Variants in KDM6A observed in about 807,000 individuals in gnomAD.
KDM6A encodes lysine demethylase 6A, also known as lysine-specific demethylase 6A.
Under a neutral mutation model 117.6 loss-of-function variants are expected in KDM6A, and 11 were observed. That is an observed-to-expected ratio of 0.09 (90% CI 0.06 to 0.15). KDM6A has a LOEUF of 0.15. KDM6A is among the 10% of genes least tolerant of loss of function. The pLI is 1.00. For missense variants in KDM6A, 799 were observed against 1,077.3 expected, an observed-to-expected ratio of 0.74 and a Z score of 3.62; for synonymous variants, 384 against 396.1, an observed-to-expected ratio of 0.97 and a Z score of 0.36.
chrX:45,040,605 C>T (rs1398943533), intron 8 of KDM6A, among the ~76,000 whole-genome samples: 15 of 81,536 alleles, frequency 1.8e-4, no homozygotes, highest in African/African-American at 7.6e-4. Context: ...CCGGACGGGG[C>T]GGCTGGCCAG....
intron 5 of KDM6A, among the ~76,000 whole-genome samples, chrX:45,019,048 C>T (rs957123207): frequency 5.4e-5 from 6 of 111,566 alleles, no homozygotes; most frequent in African/African-American, 1.6e-4. Flanking sequence ...CCCAGTCACA[C>T]CATATGTTTT....
chrX:44,940,039 C>T (rs527970233), intron 2 of KDM6A, among the ~76,000 whole-genome samples: 1 of 111,747 alleles, frequency 8.9e-6, no homozygotes, highest in South Asian at 3.7e-4. Flanking sequence ...CTTGTACTAT[C>T]AGTTATTACT....
At chrX:44,875,180 A>G (rs993068077) in intron 2 of KDM6A, among the ~76,000 whole-genome samples, 1 of 112,398 alleles carries the variant, frequency 8.9e-6, no homozygotes, top group African/African-American at 3.2e-5. Context: ...ATAGCTTTGC[A>G]TTTGACACCT....
chrX:45,075,475 A>C (rs1244312788), intron 18 of KDM6A, among the ~76,000 whole-genome samples: 1 of 111,977 alleles, frequency 8.9e-6, no homozygotes, highest in East Asian at 2.8e-4. Context: ...ATTTCAGTTT[A>C]ATAATATTTT....
At chrX:45,039,260 T>G (rs2042945901) in intron 8 of KDM6A, among the ~76,000 whole-genome samples, 1 of 110,073 alleles carries the variant, frequency 9.1e-6, no homozygotes, top group Admixed American at 9.8e-5. Flanking sequence ...CTCTAGTTTT[T>G]CTAGTTCTCT....
At position 45,090,750 on chromosome X, in the gene KDM6A, G is replaced by A. The variant is rs1285728766; in HGVS notation, c.3920G>A (p.Arg1307Gln). The change falls in exon 27 of 30, where the codon CGG (arginine) becomes CAG (glutamine). Residue 1307 changes from arginine to glutamine, a missense_variant. Arg to Gln is a conservative substitution (Grantham distance 43, BLOSUM62 1). Transcript: ENST00000611820. The part of the protein sequence containing the change: ...TACQYKLAVE[R>Q]YEWNKLQSVK... ...TGCCAGTATAAATTGGCAGTGGAAC[G>A]GTACGAATGGAACAAATTGCAAAGT... The A allele has an allele frequency of 3.3e-6, 4 of 1,206,550 alleles. No individual in the cohort carries two copies. Among genetic ancestry groups the A allele is most frequent in the Non-Finnish European group, 3.4e-6 (3 of 893,908 alleles).
intron 6 of KDM6A, among the ~76,000 whole-genome samples, chrX:45,026,582 C>T (rs2042372792): frequency 9.1e-6 from 1 of 109,465 alleles, no homozygotes; most frequent in African/African-American, 3.3e-5. Flanking sequence ...AATCCCAGCA[C>T]TTTGGGAGGC....
chrX:45,001,215 G>C (rs758079803), intron 4 of KDM6A, among the ~76,000 whole-genome samples: 1 of 111,464 alleles, frequency 9.0e-6, no homozygotes, highest in Non-Finnish European at 1.9e-5. Flanking sequence ...CCATAAAACC[G>C]GCTTAAAGAA....
intron 2 of KDM6A, among the ~76,000 whole-genome samples, chrX:44,910,803 C>G (rs1410615138): frequency 9.0e-6 from 1 of 111,128 alleles, no homozygotes; most frequent in East Asian, 2.8e-4. Context: ...TTTCAGAGAG[C>G]ACCGGGTTGG....
intron 2 of KDM6A, among the ~76,000 whole-genome samples, chrX:44,949,612 A>G (rs758834923): frequency 5.4e-5 from 6 of 111,328 alleles, no homozygotes; most frequent in Non-Finnish European, 9.4e-5. Flanking sequence ...TTCAAGGCAT[A>G]TTTTCAGTGG....
intron 28 of KDM6A, among the ~76,000 whole-genome samples, chrX:45,107,863 G>A (rs2046587450): frequency 9.0e-6 from 1 of 111,575 alleles, no homozygotes; most frequent in Admixed American, 9.6e-5. Context: ...TGGATGTTTG[G>A]TGTAACTCTA....
chrX:44,995,216 C>G (rs544096815), intron 4 of KDM6A, among the ~76,000 whole-genome samples: 1 of 110,922 alleles, frequency 9.0e-6, no homozygotes, highest in Non-Finnish European at 1.9e-5. Context: ...TTTCCTAAGT[C>G]TCAGGGCATT....
intron 2 of KDM6A, among the ~76,000 whole-genome samples, chrX:44,900,836 G>A (rs1002253308): frequency 2.7e-5 from 3 of 111,715 alleles, no homozygotes; most frequent in Admixed American, 9.5e-5. Context: ...GGTGGAGATC[G>A]TGTCACTGCA....
chrX:45,064,954 G>A (rs1334847015), intron 17 of KDM6A, among the ~76,000 whole-genome samples: 1 of 111,729 alleles, frequency 9.0e-6, no homozygotes, highest in African/African-American at 3.3e-5. Flanking sequence ...ATACTGAGAT[G>A]TCTCTACTTG....
At chrX:45,033,714 C>T (rs12009060) in intron 6 of KDM6A, among the ~76,000 whole-genome samples, 4,186 of 109,829 alleles carry the variant, frequency 0.038, 218 homozygotes, top group African/African-American at 0.13. Context: ...CCACTATGAA[C>T]GGCTAATTTT....
At chrX:45,001,691 A>G (rs745316229) in intron 4 of KDM6A, among the ~76,000 whole-genome samples, 1 of 111,978 alleles carries the variant, frequency 8.9e-6, no homozygotes, top group African/African-American at 3.2e-5. Flanking sequence ...AGAAGAAAGT[A>G]ATAGAATAGA....
intron 4 of KDM6A, among the ~76,000 whole-genome samples, chrX:45,004,017 G>A (rs2041304929): frequency 9.2e-6 from 1 of 109,124 alleles, no homozygotes; most frequent in South Asian, 4.0e-4. Context: ...ACCCCGGAGA[G>A]GGACTCAAGA....
chrX:44,963,104 A>T (rs187798507), intron 3 of KDM6A, among the ~76,000 whole-genome samples: 116 of 110,954 alleles, frequency 1.0e-3, no homozygotes, highest in Non-Finnish European at 2.1e-3. Flanking sequence ...GTAATATTCT[A>T]AATTTGTTGT....
At chrX:45,068,415 T>C (rs2044635492) in intron 17 of KDM6A, among the ~76,000 whole-genome samples, 1 of 110,803 alleles carries the variant, frequency 9.0e-6, no homozygotes, top group Non-Finnish European at 1.9e-5. Context: ...TTAAAACTTC[T>C]ATTAACTGTT....
Sources: gnomAD v4.1 joint callset for allele counts (sites outside exome capture counted in the v4.1 genomes callset) on GRCh38, gnomAD v4.1.1 for gene constraint, MANE v1.5 for transcripts, NCBI Gene and HGNC (gene_info 2026-07-23, HGNC 2026-07-21) for gene names.